GRM8: variants seen among roughly 807,000 people sequenced by gnomAD.
The protein encoded by GRM8 is glutamate metabotropic receptor 8.
In GRM8, 47 loss-of-function variants were observed where a neutral mutation model predicts 87.2. The observed-to-expected ratio is 0.54, with a 90% CI of 0.43 to 0.69. The LOEUF is 0.69. Among genes scored for constraint, GRM8 ranks in the 30% least tolerant of loss-of-function variants. The pLI is 0.00. For missense variants in GRM8, 1,019 were observed against 1,139.2 expected, an observed-to-expected ratio of 0.89 and a Z score of 1.52; for synonymous variants, 396 against 404.5, an observed-to-expected ratio of 0.98 and a Z score of 0.25.
At chr7:126,645,586 C>T (rs1025706297) in intron 7 of GRM8, among the ~76,000 whole-genome samples, 4 of 152,336 alleles carry the variant, frequency 2.6e-5, no homozygotes, top group East Asian at 3.9e-4. Flanking sequence ...CAGTTAAACT[C>T]TATACTGCAA....
In GRM8 at chr7:126,777,053, A is replaced by C. The variant is rs1819555672; in HGVS notation, c.1157-6988T>G. Among the ~76,000 whole-genome samples the C allele has an allele frequency of 1.3e-5, 2 of 152,224 alleles. 1 individual carries two copies. Among genetic ancestry groups the C allele is most frequent in the East Asian group, 3.9e-4 (2 of 5,174 alleles). On this transcript the variant is annotated intron_variant, in intron 6 of 10. Transcript: ENST00000339582. ...GCACTAACAAAAATACCAAATGTCA[A>C]CCTGGATTAATTTTTTCCCGCATTC...
At chr7:126,522,107 A>G (rs1261827143) in intron 9 of GRM8, among the ~76,000 whole-genome samples, 4 of 152,134 alleles carry the variant, frequency 2.6e-5, no homozygotes, top group African/African-American at 4.8e-5. Context: ...TTGAAGTCCA[A>G]TTGGGTAGAA....
At chr7:127,158,719 C>T (rs1026389352) in intron 2 of GRM8, among the ~76,000 whole-genome samples, 2 of 152,070 alleles carry the variant, frequency 1.3e-5, no homozygotes, top group African/African-American at 4.8e-5. Context: ...GGCCCCGCCT[C>T]TTAATACTAT....
At chr7:126,684,037 C>CT (rs1807901227) in intron 7 of GRM8, among the ~76,000 whole-genome samples, 2 of 151,892 alleles carry the variant, frequency 1.3e-5, no homozygotes, top group Non-Finnish European at 2.9e-5. Flanking sequence ...AGCGTAATAT[C>CT]TAGCATGTAA....
intron 2 of GRM8, among the ~76,000 whole-genome samples, chr7:127,134,027 C>T (rs1281293459): frequency 6.6e-6 from 1 of 152,178 alleles, no homozygotes; most frequent in Non-Finnish European, 1.5e-5. Flanking sequence ...GTATTATCTC[C>T]ATTCATCCTC....
intron 3 of GRM8, among the ~76,000 whole-genome samples, chr7:127,089,338 C>A (rs1823826934): frequency 6.6e-6 from 1 of 152,128 alleles, no homozygotes; most frequent in African/African-American, 2.4e-5. Context: ...AGGAGCCAGC[C>A]CTGCCTACAC....
intron 7 of GRM8, among the ~76,000 whole-genome samples, chr7:126,635,449 C>G (rs2151187101): frequency 6.6e-6 from 1 of 152,148 alleles, no homozygotes; most frequent in East Asian, 1.9e-4. Flanking sequence ...CTCATACGAC[C>G]CTTTACTTTG....
At chr7:127,245,334 G>T (rs1489878808) in intron 1 of GRM8, among the ~76,000 whole-genome samples, 1 of 152,202 alleles carries the variant, frequency 6.6e-6, no homozygotes, top group Non-Finnish European at 1.5e-5. Flanking sequence ...ACAGAGTACA[G>T]ACTAAATGAA....
intron 8 of GRM8, among the ~76,000 whole-genome samples, chr7:126,562,197 G>A (rs983671398): frequency 2.6e-5 from 4 of 152,254 alleles, no homozygotes; most frequent in Admixed American, 6.5e-5. Context: ...AACTAAAGTG[G>A]AGAGAGATAA....
chr7:126,717,800 A>T (rs1811915683), intron 7 of GRM8, among the ~76,000 whole-genome samples: 1 of 152,204 alleles, frequency 6.6e-6, no homozygotes. Context: ...AATTTTATGG[A>T]CAAAAAATCA....
At chr7:127,049,230 C>A (rs1819228964) in intron 3 of GRM8, among the ~76,000 whole-genome samples, 1 of 151,502 alleles carries the variant, frequency 6.6e-6, no homozygotes, top group African/African-American at 2.4e-5. Context: ...CATACACATA[C>A]ACACACACAC....
chr7:126,846,681 C>T (rs1296378586), intron 6 of GRM8, among the ~76,000 whole-genome samples: 1 of 148,544 alleles, frequency 6.7e-6, no homozygotes, highest in Non-Finnish European at 1.5e-5. Context: ...TATTTATTAA[C>T]AAAAAATATA....
rs141163797 is a variant in GRM8, at chr7:126,859,865, G to T, written c.1156+42677C>A. The stretch of plus-strand genomic sequence containing the variant: ...CTAAAGCAATTTGAACTTCCCCACT[G>T]CCCTTATAGCTTGAAGAGAATATGT... On this transcript the variant is annotated intron_variant, in intron 6 of 10. Coordinates refer to ENST00000339582, the MANE Select transcript of GRM8 (RefSeq NM_000845.3). 2.0e-3 allele frequency among the ~76,000 whole-genome samples: 307 copies of T among 152,210 alleles called. 3 individuals are homozygous for T. The highest frequency in any genetic ancestry group is 6.8e-3 in the African/African-American group (283 of 41,548).
intron 3 of GRM8, among the ~76,000 whole-genome samples, chr7:126,995,758 T>C (rs1203200947): frequency 6.6e-6 from 1 of 152,058 alleles, no homozygotes; most frequent in Non-Finnish European, 1.5e-5. Flanking sequence ...GTTCTTGGCC[T>C]TAAAGAGGAA....
At chr7:126,663,085 A>G (rs1461990413) in intron 7 of GRM8, among the ~76,000 whole-genome samples, 1 of 152,134 alleles carries the variant, frequency 6.6e-6, no homozygotes, top group African/African-American at 2.4e-5. Context: ...CTATTAATAG[A>G]CCTCCTTTCC....
Position 126,638,048 on chromosome 7 carries a change from G to A in GRM8, c.1358-28550C>T, listed in dbSNP as rs940129936. Among the ~76,000 whole-genome samples, 29 of 152,008 alleles carry A rather than the reference G, an allele frequency of 1.9e-4. 1 individual carries two copies. The highest frequency in any genetic ancestry group is 3.9e-4 in the Admixed American group (6 of 15,246). On this transcript the variant is annotated intron_variant, in intron 7 of 10. Coordinates refer to ENST00000339582, the MANE Select transcript of GRM8 (RefSeq NM_000845.3). ...CTTTTCCATGATGAAGGTATATTTC[G>A]AAAATAAATAAATAAATAAAAGCAT...
At chr7:126,679,953 C>T (rs1257038818) in intron 7 of GRM8, among the ~76,000 whole-genome samples, 1 of 151,984 alleles carries the variant, frequency 6.6e-6, no homozygotes, top group Non-Finnish European at 1.5e-5. Context: ...ATCGCTTGAA[C>T]CCAGGAGGTG....
At chr7:126,687,801 GCTATCTTAT>G (rs1808352055) in intron 7 of GRM8, among the ~76,000 whole-genome samples, 1 of 151,486 alleles carries the variant, frequency 6.6e-6, no homozygotes, top group African/African-American at 2.4e-5. Flanking sequence ...GACAGATGTT[GCTATCTTAT>G]CTTTAACTTG....
At chr7:126,625,652 T>A (rs1250938355) in intron 7 of GRM8, among the ~76,000 whole-genome samples, 1 of 152,180 alleles carries the variant, frequency 6.6e-6, no homozygotes, top group Non-Finnish European at 1.5e-5. Flanking sequence ...TAATTGCATT[T>A]ATAGTACTCA....
Sources: allele counts gnomAD v4.1 joint callset (sites outside exome capture counted in the v4.1 genomes callset), GRCh38; gene constraint gnomAD v4.1.1; transcripts MANE v1.5; gene names NCBI Gene and HGNC (gene_info 2026-07-23, HGNC 2026-07-21).